Variants in RAPGEF6 observed in about 807,000 individuals in gnomAD.
RAPGEF6 encodes PDZ domain containing guanine nucleotide exchange factor (GEF) 2.
RAPGEF6 carries 56 observed loss-of-function variants against 171.4 expected under a neutral mutation model. The observed-to-expected ratio is 0.33, with a 90% CI of 0.26 to 0.41. The LOEUF (loss-of-function observed/expected upper bound fraction) is 0.41, where lower values mean the gene tolerates loss of function less well. RAPGEF6 is among the 10% of genes least tolerant of loss of function. The pLI, the probability that RAPGEF6 is intolerant of heterozygous loss-of-function variation, is 1.00. For synonymous variants in RAPGEF6, 692 were observed against 650.1 expected, an observed-to-expected ratio of 1.06 and a Z score of -0.98; for missense variants, 1,674 against 1,921.4, an observed-to-expected ratio of 0.87 and a Z score of 2.41.
At chr5:131,560,032 A>G (rs1338158023) in intron 5 of RAPGEF6, among the ~76,000 whole-genome samples, 4 of 152,180 alleles carry the variant, frequency 2.6e-5, no homozygotes, top group African/African-American at 9.6e-5. Context: ...AATTCTGAAA[A>G]ATTTCACCTA....
intron 5 of RAPGEF6, among the ~76,000 whole-genome samples, chr5:131,559,095 G>A (rs568937062): frequency 3.9e-5 from 6 of 152,134 alleles, no homozygotes; most frequent in Non-Finnish European, 5.9e-5. Context: ...TTGGGAGGCC[G>A]AGGCAAGAGG....
In RAPGEF6 at chr5:131,472,682, C is replaced by T; in HGVS notation, c.2144G>A (p.Ser715Asn). The T allele has an allele frequency of 6.2e-7, 1 of 1,612,832 alleles. No homozygotes were observed. The highest frequency in any genetic ancestry group is 2.2e-5 in the East Asian group (1 of 44,882). The change falls in exon 17 of 28, where the codon AGT (serine) becomes AAT (asparagine). Residue 715 changes from serine (S) to asparagine (N), a missense_variant. By Grantham distance (46) the Ser-to-Asn change is conservative. This residue lies in a region of RAPGEF6 where 1,116 missense variants were observed against 1,321.5 expected (regional missense o/e 0.84). Coordinates refer to ENST00000509018, the MANE Select transcript of RAPGEF6 (RefSeq NM_016340.6). The part of the protein sequence containing the change: ...SIVGTRHCRH[S>N]LAIMPIPGTL... ...TCCAGGGATGGGCATTATAGCCAGACTATGCCTACAGTGCCTTGTTCCCAC... is the reference window on the plus strand; with the variant it reads ...TCCAGGGATGGGCATTATAGCCAGATTATGCCTACAGTGCCTTGTTCCCAC...
intron 6 of RAPGEF6, chr5:131,532,139 G>A (rs1261026443): frequency 1.1e-5 from 5 of 453,106 alleles, no homozygotes; most frequent in African/African-American, 4.0e-5. Flanking sequence ...GCATAACAGC[G>A]AACAAGAAAA....
intron 1 of RAPGEF6, among the ~76,000 whole-genome samples, chr5:131,614,868 T>A (rs1403864625): frequency 6.6e-6 from 1 of 152,224 alleles, no homozygotes; most frequent in Non-Finnish European, 1.5e-5. Context: ...ATTCTGTAGC[T>A]ACCCAGAATC....
intron 25 of RAPGEF6, among the ~76,000 whole-genome samples, chr5:131,431,634 G>A (rs1219427389): frequency 3.4e-5 from 5 of 148,448 alleles, no homozygotes; most frequent in African/African-American, 1.2e-4. Flanking sequence ...TTTTTTTCGA[G>A]ACAGGGTGTC....
intron 1 of RAPGEF6, among the ~76,000 whole-genome samples, chr5:131,605,908 T>C (rs1338224540): frequency 6.6e-6 from 1 of 151,294 alleles, no homozygotes; most frequent in Admixed American, 6.6e-5. Flanking sequence ...CAGGTGCCTG[T>C]AGTCCCAGCT....
At position 131,546,651 on chromosome 5, in the gene RAPGEF6, T is replaced by C. The variant is rs117795204; in HGVS notation, c.495+1396A>G. Among the ~76,000 whole-genome samples the C allele has an allele frequency of 6.8e-4, 103 of 152,106 alleles. 1 individual carries two copies. In the East Asian group the frequency reaches 0.02, roughly 29 times the overall value. On this transcript the variant is annotated intron_variant, in intron 6 of 27. Transcript: ENST00000509018. ...ATGAAGAACTGGAAAGAATGTAACTTATCAAATATCAAGAACTGAATAAAT... is the reference window on the plus strand; with the variant it reads ...ATGAAGAACTGGAAAGAATGTAACTCATCAAATATCAAGAACTGAATAAAT...
rs932416100 is a variant in RAPGEF6, at chr5:131,499,466, A to C, written c.1255-859T>G. Among the ~76,000 whole-genome samples, 16 of 151,142 alleles carry C rather than the reference A, an allele frequency of 1.1e-4. No homozygotes were observed. In the Admixed American group the frequency reaches 1.1e-3, roughly 10 times the overall value. ...TGTGGTGGCCGGCGCCTATAATCCC[A>C]GCTACTCAGGAGGGTGAGGCAGCAG... On this transcript the variant is annotated intron_variant, in intron 11 of 27. Coordinates refer to ENST00000509018, the MANE Select transcript of RAPGEF6 (RefSeq NM_016340.6).
intron 5 of RAPGEF6, among the ~76,000 whole-genome samples, chr5:131,548,937 A>C (rs1312104153): frequency 6.6e-6 from 1 of 152,138 alleles, no homozygotes; most frequent in Non-Finnish European, 1.5e-5. Flanking sequence ...GGTGGTGTGC[A>C]CCTGTAGTAC....
At chr5:131,461,435 C>T (rs1313656688) in intron 19 of RAPGEF6, among the ~76,000 whole-genome samples, 2 of 151,790 alleles carry the variant, frequency 1.3e-5, no homozygotes, top group African/African-American at 2.4e-5. Context: ...TCACTCAAGG[C>T]GGGGGGTTGG....
intron 12 of RAPGEF6, among the ~76,000 whole-genome samples, chr5:131,496,313 A>T (rs1031446328): frequency 6.6e-6 from 1 of 152,260 alleles, no homozygotes; most frequent in African/African-American, 2.4e-5. Context: ...TGATTTGAAT[A>T]ACATGCCTAA....
At chr5:131,624,183 C>T (rs957197690) in intron 1 of RAPGEF6, among the ~76,000 whole-genome samples, 8 of 152,116 alleles carry the variant, frequency 5.3e-5, no homozygotes, top group African/African-American at 1.9e-4. Context: ...CTCATTTGGT[C>T]CACACAAGAA....
intron 22 of RAPGEF6, 152 bp from the exon 23 acceptor site, chr5:131,442,689 TATAAG>T (rs1317498763): frequency 1.2e-5 from 15 of 1,212,946 alleles, no homozygotes; most frequent in Non-Finnish European, 1.6e-5. Flanking sequence ...AGTTAAGTAC[TATAAG>T]ATGTTATCTC....
chr5:131,458,232 T>A (rs1157638737), intron 19 of RAPGEF6, among the ~76,000 whole-genome samples: 1 of 152,174 alleles, frequency 6.6e-6, no homozygotes, highest in African/African-American at 2.4e-5. Flanking sequence ...GGGAGGTGAC[T>A]GGGTCATGGA....
intron 12 of RAPGEF6, 26 bp downstream of exon 12, chr5:131,498,417 A>T (rs1323159466): frequency 6.5e-7 from 1 of 1,549,972 alleles, no homozygotes; most frequent in African/African-American, 1.4e-5. Flanking sequence ...GGTTAAAATC[A>T]CTTTCATGCC....
intron 22 of RAPGEF6, among the ~76,000 whole-genome samples, chr5:131,444,548 C>T (rs1752570636): frequency 6.6e-6 from 1 of 152,126 alleles, no homozygotes; most frequent in Non-Finnish European, 1.5e-5. Flanking sequence ...ACTATTTAAA[C>T]ATTTAAAAAT....
chr5:131,536,627 G>A (rs1263095314), intron 6 of RAPGEF6, among the ~76,000 whole-genome samples: 2 of 152,078 alleles, frequency 1.3e-5, no homozygotes, highest in Admixed American at 6.6e-5. Flanking sequence ...AACCAAGAAG[G>A]AGAGAGAAAC....
At chr5:131,585,700 C>A (rs1408507180) in intron 4 of RAPGEF6, among the ~76,000 whole-genome samples, 2 of 152,068 alleles carry the variant, frequency 1.3e-5, no homozygotes, top group Non-Finnish European at 2.9e-5. Flanking sequence ...GTGGCGGGCA[C>A]CTGTAATCCC....
At chr5:131,606,029 C>CAAAAAAAAAAAAAAAA (rs1168486376) in intron 1 of RAPGEF6, among the ~76,000 whole-genome samples, 17 of 70,536 alleles carry the variant, frequency 2.4e-4, no homozygotes, top group Non-Finnish European at 3.4e-4. Flanking sequence ...GACTCCATCT[C>CAAAAAAAAAAAAAAAA]AAAAAAAAAA....
Sources: gnomAD v4.1 joint callset for allele counts (sites outside exome capture counted in the v4.1 genomes callset) on GRCh38, gnomAD v4.1.1 for gene constraint, gnomAD v4.1.1 regional missense constraint, MANE v1.5 for transcripts, NCBI Gene and HGNC (gene_info 2026-07-23, HGNC 2026-07-21) for gene names.